PXK: variants seen among roughly 807,000 people sequenced by gnomAD.
The protein encoded by PXK is PX domain containing serine/threonine kinase like.
PXK carries 35 observed loss-of-function variants against 84.7 expected under a neutral mutation model. The observed-to-expected ratio is 0.41, with a 90% confidence interval of 0.32 to 0.55. The LOEUF is 0.55. Ranked by LOEUF, PXK falls within the 20% of genes least tolerant of loss-of-function variation. PXK has a pLI of 0.21. For missense variants in PXK, 634 were observed against 699.7 expected, an observed-to-expected ratio of 0.91 and a Z score of 1.06; for synonymous variants, 253 against 260.8, an observed-to-expected ratio of 0.97 and a Z score of 0.29.
intron 1 of PXK, among the ~76,000 whole-genome samples, chr3:58,357,015 T>A (rs1355278629): frequency 6.7e-6 from 1 of 149,212 alleles, no homozygotes. Context: ...GCGCGGTGGC[T>A]CACACCTGTA....
Position 58,397,699 on chromosome 3 carries a change from C to T in PXK, c.1079C>T (p.Pro360Leu). 1 of 1,613,896 alleles carries T rather than the reference C, an allele frequency of 6.2e-7. No homozygotes were observed. The highest frequency in any genetic ancestry group is 8.5e-7 in the Non-Finnish European group (1 of 1,179,814). Residue 360 changes from proline (P) to leucine (L), a missense_variant, in exon 11 of 18, where the codon CCT (proline) becomes CTT (leucine). Pro to Leu is a moderately conservative substitution (Grantham distance 98, BLOSUM62 -3). Around this residue, in one of 3 missense-constraint regions of PXK, gnomAD observed 273 missense variants for 283.6 expected, o/e 0.96. Coordinates refer to ENST00000356151, the MANE Select transcript of PXK (RefSeq NM_017771.5). The surrounding 1 kb of genome is among the most constrained non-coding windows in gnomAD (Gnocchi z 4.7). The stretch of plus-strand genomic sequence containing the variant: ...GACTCGGTGCCTGTGGACTCCTTCC[C>T]TCCTGCCCCGTCCATGGCTGTGGGT... ...PPDSVPVDSF[P>L]PAPSMAVVAV...
At chr3:58,420,449 C>T (rs2061654857) in intron 17 of PXK, 2 of 1,444,098 alleles carry the variant, frequency 1.4e-6, no homozygotes, top group East Asian at 2.5e-5. Context: ...TAATATTTTA[C>T]TGTCTGTTAC....
intron 1 of PXK, among the ~76,000 whole-genome samples, chr3:58,336,059 ATATATATATATATTTTTTTTTTT>A (rs2097589789): frequency 1.7e-5 from 1 of 58,370 alleles, no homozygotes; most frequent in African/African-American, 9.1e-5. Context: ...ATATATATAT[ATATATATATATATTTTTTTTTTT>A]TTTTTTTAAT....
chr3:58,374,755 A>G (rs1312395602), intron 3 of PXK, among the ~76,000 whole-genome samples: 1 of 152,162 alleles, frequency 6.6e-6, no homozygotes, highest in Non-Finnish European at 1.5e-5. Flanking sequence ...TCTATTCTGT[A>G]ATTGGTAAGC....
intron 16 of PXK, among the ~76,000 whole-genome samples, chr3:58,410,712 C>T (rs2060075613): frequency 6.6e-6 from 1 of 152,348 alleles, no homozygotes; most frequent in Non-Finnish European, 1.5e-5. Flanking sequence ...AATGTCCCAT[C>T]TTTGGAAATC....
intron 4 of PXK, among the ~76,000 whole-genome samples, chr3:58,388,582 G>A (rs1254091659): frequency 6.6e-6 from 1 of 152,188 alleles, no homozygotes; most frequent in Non-Finnish European, 1.5e-5. Flanking sequence ...GTGTGTTTCT[G>A]CTGCACCCAG....
rs540799547 is a variant in PXK, at chr3:58,381,049, C to A, written c.202-1465C>A. On this transcript the variant is annotated intron_variant, in intron 3 of 17. Transcript: ENST00000356151. ...GGATCACGAGGTCAGGAGATCGAGA[C>A]CATCCTGGCTAACACGGTGAAATCC... Among the ~76,000 whole-genome samples the A allele has an allele frequency of 1.1e-4, 16 of 152,058 alleles. 1 individual carries two copies. The highest frequency in any genetic ancestry group is 3.9e-4 in the African/African-American group (16 of 41,494).
intron 3 of PXK, among the ~76,000 whole-genome samples, chr3:58,380,566 T>G (rs554892648): frequency 1.3e-5 from 2 of 152,108 alleles, no homozygotes; most frequent in East Asian, 3.9e-4. Context: ...ATCCCAATAC[T>G]TTGAGAGGCC....
At chr3:58,351,816 G>GT (rs61132760) in intron 1 of PXK, among the ~76,000 whole-genome samples, 34,548 of 151,972 alleles carry the variant, frequency 0.23, 5,871 homozygotes, top group East Asian at 0.81. Context: ...GCTGCTTTTT[G>GT]TTTTTTCTGG....
chr3:58,395,799 C>T (rs1444660358), intron 9 of PXK, 40 bp downstream of exon 9: 2 of 1,505,872 alleles, frequency 1.3e-6, no homozygotes, highest in South Asian at 2.3e-5. Flanking sequence ...CAGATTTCAT[C>T]CAAAATTGCA....
At position 58,411,507 on chromosome 3, in the gene PXK, G is replaced by A. The variant is rs2060200102; in HGVS notation, c.1465+1348G>A. On this transcript the variant is annotated intron_variant, in intron 16 of 17. Transcript: ENST00000356151. The surrounding 1 kb of genome is among the most constrained non-coding windows in gnomAD (Gnocchi z 4.2). ...CGCCATGGTTGATGGGAGGGACATGGACCGGTCATGGTCATTATTATACTG... is the reference window on the plus strand; with the variant it reads ...CGCCATGGTTGATGGGAGGGACATGAACCGGTCATGGTCATTATTATACTG... Among the ~76,000 whole-genome samples, 1 of 152,124 alleles carries A rather than the reference G, an allele frequency of 6.6e-6. No homozygotes were observed. The highest frequency in any genetic ancestry group is 1.5e-5 in the Non-Finnish European group (1 of 68,026).
At position 58,360,358 on chromosome 3, in the gene PXK, C is replaced by T. The variant is rs114141119; in HGVS notation, c.103-5516C>T. On this transcript the variant is annotated intron_variant, in intron 1 of 17. Transcript: ENST00000356151. ...CATATAAATGAATGATAGTGTAATACGATCAATTTTAAAATGTAGTTACCA... is the reference window on the plus strand; with the variant it reads ...CATATAAATGAATGATAGTGTAATATGATCAATTTTAAAATGTAGTTACCA... Among the ~76,000 whole-genome samples the T allele has an allele frequency of 1.7e-3, 255 of 152,196 alleles. 2 individuals are homozygous for T. The highest frequency in any genetic ancestry group is 5.8e-3 in the African/African-American group (239 of 41,512).
chr3:58,388,971 A>C (rs1328552713), intron 4 of PXK, among the ~76,000 whole-genome samples: 1 of 152,198 alleles, frequency 6.6e-6, no homozygotes, highest in East Asian at 1.9e-4. Flanking sequence ...GTTTGCTTTC[A>C]GGGATCTGGA....
intron 1 of PXK, among the ~76,000 whole-genome samples, chr3:58,337,503 T>G (rs9876343): frequency 0.54 from 82,517 of 151,792 alleles, 25,082 homozygotes; most frequent in African/African-American, 0.83. Flanking sequence ...GTGAGACAGG[T>G]TCTTGCTCTG....
Position 58,407,625 on chromosome 3 carries a change from A to G in PXK, c.1231-1299A>G, listed in dbSNP as rs1380827026. Among the ~76,000 whole-genome samples the G allele has an allele frequency of 6.6e-6, 1 of 152,122 alleles. No homozygotes were observed. The highest frequency in any genetic ancestry group is 6.5e-5 in the Admixed American group (1 of 15,274). ...GCTTAGGCTGGAGTGCAGCAGCACAATCTCAGCTCACTGCAACCTCCGCCC... is the reference window on the plus strand; with the variant it reads ...GCTTAGGCTGGAGTGCAGCAGCACAGTCTCAGCTCACTGCAACCTCCGCCC... On this transcript the variant is annotated intron_variant, in intron 13 of 17. Coordinates refer to ENST00000356151, the MANE Select transcript of PXK (RefSeq NM_017771.5). This position sits in a 1 kb window ranked among gnomAD's most constrained non-coding sequence, Gnocchi z 4.3.
At position 58,397,303 on chromosome 3, in the gene PXK, T is replaced by C; in HGVS notation, c.984+103T>C. 1 of 1,373,038 alleles carries C rather than the reference T, an allele frequency of 7.3e-7. No homozygotes were observed. Among genetic ancestry groups the C allele is most frequent in the African/African-American group, 1.4e-5 (1 of 70,362 alleles). The allele number at this position is 1,373,038 out of a possible 1,614,324, so 85.1% of individuals were successfully genotyped here. On this transcript the variant is annotated intron_variant, in intron 10 of 17. Coordinates refer to ENST00000356151, the MANE Select transcript of PXK (RefSeq NM_017771.5). This position sits in a 1 kb window ranked among gnomAD's most constrained non-coding sequence, Gnocchi z 4.7. ...ATGCACCAAGTAGTGAAAGGTATAG[T>C]TGGGACAGGCCTTGCCCGTCAGCCC...
intron 3 of PXK, among the ~76,000 whole-genome samples, chr3:58,371,294 C>G (rs2098366463): frequency 6.6e-6 from 1 of 152,190 alleles, no homozygotes; most frequent in African/African-American, 2.4e-5. Flanking sequence ...TCTTTGCACT[C>G]AGACAAGAGC....
chr3:58,423,465 CT>C (rs772758615), intron 17 of PXK: 42 of 1,531,072 alleles, frequency 2.7e-5, no homozygotes, highest in Non-Finnish European at 3.5e-5. Flanking sequence ...TTTCAGCTGC[CT>C]TAGGTTTGAG....
In PXK at chr3:58,332,977, G is replaced by A. The variant is rs2097521543; in HGVS notation, c.-12G>A. The A allele has an allele frequency of 2.2e-6, 3 of 1,354,596 alleles. No individual in the cohort carries two copies. The highest frequency in any genetic ancestry group is 7.3e-5 in the East Asian group (2 of 27,426). 83.9% of individuals were successfully genotyped at this position (1,354,596 alleles called of 1,614,324 possible). A position where few individuals can be genotyped will look rare whatever the true frequency, so the allele number is the denominator to read the frequency against. On this transcript the variant is annotated 5_prime_UTR_variant, in exon 1 of 18. Transcript: ENST00000356151. This position sits in a 1 kb window ranked among gnomAD's most constrained non-coding sequence, Gnocchi z 5.6. ...CTCGCGTCCCTAGGCGGCGGCGGCC[G>A]GGCGTCCCGGGATGGCCTTCATGGA...
Sources: allele counts gnomAD v4.1 joint callset (sites outside exome capture counted in the v4.1 genomes callset), GRCh38; gene constraint gnomAD v4.1.1; regional missense constraint gnomAD v4.1.1; non-coding constraint Gnocchi (gnomAD v3.1); transcripts MANE v1.5; gene names NCBI Gene and HGNC (gene_info 2026-07-23, HGNC 2026-07-21).